ZNF516: variants seen among roughly 807,000 people sequenced by gnomAD.
The protein encoded by ZNF516 is zinc finger protein 516.
ZNF516 carries 19 observed loss-of-function variants against 79.7 expected under a neutral mutation model. The ratio of observed to expected loss-of-function variants is 0.24; its 90% CI spans 0.17 to 0.35. The LOEUF is 0.35. Ranked by LOEUF, ZNF516 falls within the 10% of genes least tolerant of loss-of-function variation. The pLI, the probability that ZNF516 is intolerant of heterozygous loss-of-function variation, is 1.00. For synonymous variants in ZNF516, 877 were observed against 739.5 expected (o/e 1.19, Z -3.02); for missense variants, 1,678 against 1,679.5 (o/e 1.00, Z 0.02).
chr18:76,442,398 G>A lies in ZNF516; in HGVS notation c.657C>T (p.Ile219=), dbSNP rs779692365. 1.2e-6 allele frequency: 2 copies of A among 1,608,302 alleles called. No individual in the cohort carries two copies. Among genetic ancestry groups the A allele is most frequent in the Non-Finnish European group, 1.7e-6 (2 of 1,179,640 alleles). Residue 219 remains isoleucine, a synonymous_variant, in exon 3 of 7, where the codon ATC becomes ATT. Coordinates refer to ENST00000443185, the MANE Select transcript of ZNF516 (RefSeq NM_014643.4). ...CCTGCGCGGTGATGTGGTCCCTCTCGATGTGGCTCAGCAGCGACTCCTCCC... is the reference window on the plus strand; with the variant it reads ...CCTGCGCGGTGATGTGGTCCCTCTCAATGTGGCTCAGCAGCGACTCCTCCC... The part of the protein sequence containing the change: ...TLREESLLSH[I]ERDHITAQGP...
rs1172831087 is a variant in ZNF516 at position 76,379,714 on chromosome 18, G to A, written c.2400C>T (p.Tyr800=). ...VAPPWIQPNG[Y]KSIRSNLVFL... ...AAACCAAATTGCTTCTGATGCTTTT[G>A]TAACCATTGGGCTGAATCCACGGGG... The change falls in exon 4 of 7, where the codon TAC becomes TAT. Residue 800 remains tyrosine (Y), a synonymous_variant. Transcript: ENST00000443185. The A allele has an allele frequency of 6.2e-7, 1 of 1,613,824 alleles. No homozygotes were observed. The highest frequency in any genetic ancestry group is 1.1e-5 in the South Asian group (1 of 91,086).
At chr18:76,486,266 G>A (rs1182849256) in intron 1 of ZNF516, among the ~76,000 whole-genome samples, 7 of 152,098 alleles carry the variant, frequency 4.6e-5, no homozygotes, top group Admixed American at 1.3e-4. Flanking sequence ...GAACATTCTC[G>A]AATGCTAAAA....
At chr18:76,371,070 C>T (rs537994991) in intron 5 of ZNF516, among the ~76,000 whole-genome samples, 2 of 152,266 alleles carry the variant, frequency 1.3e-5, no homozygotes, top group Middle Eastern at 3.4e-3. Context: ...CAAAGGGGCC[C>T]GGGTGTATCC....
chr18:76,359,935 A>G lies in ZNF516; in HGVS notation c.*2563T>C, dbSNP rs1271277632. On this transcript the variant is annotated 3_prime_UTR_variant, in exon 7 of 7. Coordinates refer to ENST00000443185, the MANE Select transcript of ZNF516 (RefSeq NM_014643.4). ...TTAACAAACCAACACAATACTGACG[A>G]TGGGTGGAAGGAAGGGACCACACAT... 6.6e-6 allele frequency: 1 copy of G among 152,276 alleles called. No homozygotes were observed. The highest frequency in any genetic ancestry group is 1.5e-5 in the Non-Finnish European group (1 of 68,044). 9.4% of individuals were successfully genotyped at this position (152,276 alleles called of 1,614,324 possible).
intron 1 of ZNF516, among the ~76,000 whole-genome samples, chr18:76,483,080 C>T (rs1277093629): frequency 6.6e-6 from 1 of 152,150 alleles, no homozygotes; most frequent in Non-Finnish European, 1.5e-5. Context: ...GCTACGTTTG[C>T]TCATGTTGAG....
At chr18:76,492,943 T>A in intron 1 of ZNF516, 1 of 985,548 alleles carries the variant, frequency 1.0e-6, no homozygotes, top group Non-Finnish European at 1.2e-6. Context: ...TGGCCAGACT[T>A]CACAGTGTGC....
chr18:76,423,898 C>G (rs1361516344), intron 3 of ZNF516, among the ~76,000 whole-genome samples: 5 of 118,038 alleles, frequency 4.2e-5, no homozygotes, highest in Non-Finnish European at 7.9e-5. Flanking sequence ...CCGAAACACA[C>G]GCAGGTGAAA....
chr18:76,442,131 G>A lies in ZNF516; in HGVS notation c.924C>T (p.Pro308=), dbSNP rs1568296592. The change falls in exon 3 of 7, where the codon CCC becomes CCT. Residue 308 remains proline (P), a synonymous_variant. Transcript: ENST00000443185. The part of the protein sequence containing the change: ...HGPKTGSKNR[P]KSELDPIATI... Reference sequence around the variant, plus strand: ...TGGCGATGGGGTCCAGCTCACTCTTGGGCCTGTTCTTGCTGCCCGTCTTGG... The same window carrying A: ...TGGCGATGGGGTCCAGCTCACTCTTAGGCCTGTTCTTGCTGCCCGTCTTGG... 6.8e-6 allele frequency: 11 copies of A among 1,613,960 alleles called. No homozygotes were observed. Among genetic ancestry groups the A allele is most frequent in the African/African-American group, 1.3e-5 (1 of 75,076 alleles).
At chr18:76,391,070 G>A (rs913080121) in intron 3 of ZNF516, among the ~76,000 whole-genome samples, 24 of 152,118 alleles carry the variant, frequency 1.6e-4, no homozygotes, top group Admixed American at 2.6e-4. Context: ...CAGCAGGTAC[G>A]GAAGGTGGGG....
intron 3 of ZNF516, among the ~76,000 whole-genome samples, chr18:76,423,750 A>T (rs1208645286): frequency 6.9e-6 from 1 of 144,422 alleles, no homozygotes; most frequent in Non-Finnish European, 1.5e-5. Flanking sequence ...ATACACACGC[A>T]GGTGAAAAGG....
In ZNF516 at chr18:76,370,508, C is replaced by G; in HGVS notation, c.3432+20G>C. 6.3e-7 allele frequency: 1 copy of G among 1,590,208 alleles called. No individual in the cohort carries two copies. Among genetic ancestry groups the G allele is most frequent in the Non-Finnish European group, 8.6e-7 (1 of 1,166,890 alleles). On this transcript the variant is annotated intron_variant, in intron 6 of 6. Transcript: ENST00000443185. The stretch of plus-strand genomic sequence containing the variant: ...GCTACCGCATCGAAACCCAGACATC[C>G]AATTCATCATGAGACCTACTTGTTT...
At chr18:76,415,374 G>A (rs1450616842) in intron 3 of ZNF516, among the ~76,000 whole-genome samples, 3 of 152,216 alleles carry the variant, frequency 2.0e-5, no homozygotes, top group African/African-American at 2.4e-5. Flanking sequence ...GGTTGTCACG[G>A]CAAGCCCGGC....
At chr18:76,486,139 A>G (rs1914820679) in intron 1 of ZNF516, among the ~76,000 whole-genome samples, 1 of 152,214 alleles carries the variant, frequency 6.6e-6, no homozygotes, top group Non-Finnish European at 1.5e-5. Flanking sequence ...ATCGGTGGAA[A>G]AAAAGTGAAA....
rs1202770263 is a variant in ZNF516 at position 76,459,439 on chromosome 18, C to T, written c.-158+3589G>A. On this transcript the variant is annotated intron_variant, in intron 2 of 6. Transcript: ENST00000443185. This position sits in a 1 kb window ranked among gnomAD's most constrained non-coding sequence, Gnocchi z 5.0. ...GGAGAAAACTCTGGCCCTCCACTGC[C>T]GGCCAGGGAGGCCTCGCGTGCCAAG... Among the ~76,000 whole-genome samples the T allele has an allele frequency of 2.0e-5, 3 of 152,224 alleles. No individual in the cohort carries two copies. The highest frequency in any genetic ancestry group is 4.4e-5 in the Non-Finnish European group (3 of 68,038).
chr18:76,408,288 C>G (rs2075328365), intron 3 of ZNF516, among the ~76,000 whole-genome samples: 1 of 152,188 alleles, frequency 6.6e-6, no homozygotes, highest in African/African-American at 2.4e-5. Flanking sequence ...ATGACTGTTT[C>G]CAAGGTGGGT....
At chr18:76,463,419 C>T (rs1411025141) in intron 1 of ZNF516, among the ~76,000 whole-genome samples, 2 of 152,202 alleles carry the variant, frequency 1.3e-5, no homozygotes, top group Non-Finnish European at 2.9e-5. Context: ...ACCAGGACGC[C>T]GCCTAACTGT....
chr18:76,424,577 G>A (rs1181188603), intron 3 of ZNF516, among the ~76,000 whole-genome samples: 1 of 91,846 alleles, frequency 1.1e-5, no homozygotes. Flanking sequence ...AGGTTCCCCC[G>A]AAACACACGC....
Position 76,425,873 on chromosome 18 carries a change from C to T in ZNF516, c.1810+15372G>A, listed in dbSNP as rs143323757. 2.6e-4 allele frequency among the ~76,000 whole-genome samples: 40 copies of T among 152,296 alleles called. 1 individual carries two copies. In the East Asian group the frequency reaches 7.5e-3, roughly 29 times the overall value. The stretch of plus-strand genomic sequence containing the variant: ...CACAGAAATTCACGTGCAAAAATAC[C>T]CAGGCCCAACCAAGCTTCCTGCTCT... On this transcript the variant is annotated intron_variant, in intron 3 of 6. Coordinates refer to ENST00000443185, the MANE Select transcript of ZNF516 (RefSeq NM_014643.4).
upstream of ZNF516, chr18:76,496,256 G>A (rs972909564): frequency 7.8e-7 from 1 of 1,282,212 alleles, no homozygotes; most frequent in Non-Finnish European, 1.0e-6. Flanking sequence ...CTGCGGAGGG[G>A]TAACACTATC....
Sources: allele counts gnomAD v4.1 joint callset (sites outside exome capture counted in the v4.1 genomes callset), GRCh38; gene constraint gnomAD v4.1.1; non-coding constraint Gnocchi (gnomAD v3.1); transcripts MANE v1.5; gene names NCBI Gene and HGNC (gene_info 2026-07-23, HGNC 2026-07-21).